Variants in MDGA1 observed in about 807,000 individuals in gnomAD.
The protein encoded by MDGA1 is MAM domain-containing glycosylphosphatidylinositol anchor protein 1.
A neutral mutation model predicts 101.5 loss-of-function variants in MDGA1; 54 were observed. The observed-to-expected ratio is 0.53, with a 90% CI of 0.43 to 0.67. The LOEUF is 0.67. MDGA1 is among the 30% of genes least tolerant of loss of function. MDGA1 has a pLI of 0.00. For missense variants in MDGA1, 1,083 were observed against 1,323.8 expected (o/e 0.82, Z 2.82); for synonymous variants, 533 against 558.3 (o/e 0.95, Z 0.64).
chr6:37,697,202 T>A lies in MDGA1; in HGVS notation c.-391A>T. ...TTCGATCCAACAGGCCACGGACGACTGACAAACTTGTCGTTTCCCCGCACT... is the reference window on the plus strand; with the variant it reads ...TTCGATCCAACAGGCCACGGACGACAGACAAACTTGTCGTTTCCCCGCACT... On this transcript the variant is annotated 5_prime_UTR_variant, in exon 1 of 17. Coordinates refer to ENST00000434837, the MANE Select transcript of MDGA1 (RefSeq NM_153487.4). 5.3e-6 allele frequency: 1 copy of A among 189,386 alleles called. No homozygotes were observed. 11.7% of individuals were successfully genotyped at this position (189,386 alleles called of 1,614,324 possible).
chr6:37,679,696 A>G (rs1344474624), intron 1 of MDGA1, among the ~76,000 whole-genome samples: 2 of 152,148 alleles, frequency 1.3e-5, no homozygotes. Context: ...TCACTTAGCA[A>G]ACCCTCCTCC....
chr6:37,633,733 C>T lies in MDGA1; in HGVS notation c.*3635G>A, dbSNP rs1253301489. 2.0e-5 allele frequency: 3 copies of T among 152,412 alleles called. No individual in the cohort carries two copies. Among genetic ancestry groups the T allele is most frequent in the Admixed American group, 6.5e-5 (1 of 15,290 alleles). 9.4% of individuals were successfully genotyped at this position (152,412 alleles called of 1,614,324 possible). ...GCAACATCTATAACATCCCCACCGG[C>T]ACCCTGGACACAGGACTGTTAGCCA... On this transcript the variant is annotated 3_prime_UTR_variant, in exon 17 of 17. Transcript: ENST00000434837.
At chr6:37,644,444 T>A in intron 13 of MDGA1, 53 bp downstream of exon 13, 1 of 1,470,350 alleles carries the variant, frequency 6.8e-7, no homozygotes, top group Admixed American at 2.4e-5. Context: ...GCCCTGGGCC[T>A]AGACACCCCC....
chr6:37,681,520 G>A (rs1051116396), intron 1 of MDGA1, among the ~76,000 whole-genome samples: 1 of 152,204 alleles, frequency 6.6e-6, no homozygotes. Flanking sequence ...GAGGTCTGTA[G>A]GACCCCCTAC....
chr6:37,645,995 T>C (rs1761184770), intron 11 of MDGA1, 39 bp from the exon 12 acceptor site: 1 of 1,613,526 alleles, frequency 6.2e-7, no homozygotes, highest in African/African-American at 1.3e-5. Flanking sequence ...AGAACTGAGG[T>C]GTGGGGCTCT....
chr6:37,638,223 G>C lies in MDGA1; in HGVS notation c.2758C>G (p.Gln920Glu). The change falls in exon 16 of 17, where the codon CAG becomes GAG. Residue 920 changes from glutamine (Q) to glutamate (E), a missense_variant. By Grantham distance (29) the Gln-to-Glu change is conservative. Around this residue, in one of 3 missense-constraint regions of MDGA1, gnomAD observed 657 missense variants for 771.4 expected, o/e 0.85. Coordinates refer to ENST00000434837, the MANE Select transcript of MDGA1 (RefSeq NM_153487.4). This position sits in a 1 kb window ranked among gnomAD's most constrained non-coding sequence, Gnocchi z 4.8. ...CTTGCACCTTTATTGGGATCCGTCT[G>C]CTTCCGGGGACACTCCCCCTTCTTC... ...TLKKGECPRK[Q>E]TDPNKVVVMP... The C allele has an allele frequency of 1.2e-6, 2 of 1,613,356 alleles. No homozygotes were observed. The highest frequency in any genetic ancestry group is 1.7e-6 in the Non-Finnish European group (2 of 1,179,596).
intron 1 of MDGA1, among the ~76,000 whole-genome samples, chr6:37,672,438 A>G (rs1237691796): frequency 1.3e-5 from 2 of 152,174 alleles, no homozygotes; most frequent in Non-Finnish European, 2.9e-5. Flanking sequence ...GACCCCTATC[A>G]AAAAAACAAA....
At position 37,646,243 on chromosome 6, in the gene MDGA1, A is replaced by T. The variant is rs1761191420; in HGVS notation, c.2179T>A (p.Phe727Ile). ...YEVRLTPYTT[F>I]GAGDMASRII... ...CGGGAGGCCATGTCACCAGCCCCGA[A>T]GGTGGTATAGGGTGTGAGGCGGACC... is the stretch of plus-strand genomic sequence containing the variant. Residue 727 changes from phenylalanine to isoleucine, a missense_variant, in exon 11 of 17, where the codon TTC becomes ATC. By Grantham distance (21) the Phe-to-Ile change is conservative (BLOSUM62 0). This residue lies in a region of MDGA1 where 657 missense variants were observed against 771.4 expected (regional missense o/e 0.85). Transcript: ENST00000434837. 1 of 1,598,984 alleles carries T rather than the reference A, an allele frequency of 6.3e-7. No homozygotes were observed. The highest frequency in any genetic ancestry group is 1.3e-5 in the African/African-American group (1 of 74,614).
Position 37,638,729 on chromosome 6 carries a change from A to G in MDGA1, c.2537-62T>C. 6.4e-7 allele frequency: 1 copy of G among 1,551,562 alleles called. No homozygotes were observed. Among genetic ancestry groups the G allele is most frequent in the Non-Finnish European group, 8.7e-7 (1 of 1,145,858 alleles). The stretch of plus-strand genomic sequence containing the variant: ...GGCCAGGGCACCCTCACCTTTCCAC[A>G]TTTACCAAGCCCTCTTCTCCCACCA... On this transcript the variant is annotated intron_variant, in intron 14 of 16. Transcript: ENST00000434837. This position sits in a 1 kb window ranked among gnomAD's most constrained non-coding sequence, Gnocchi z 4.8.
At chr6:37,653,160 C>T (rs529105246) in intron 6 of MDGA1, among the ~76,000 whole-genome samples, 24 of 152,292 alleles carry the variant, frequency 1.6e-4, no homozygotes, top group East Asian at 5.8e-4. Context: ...CTGGGAAAGG[C>T]GGGCTCTACA....
intron 1 of MDGA1, among the ~76,000 whole-genome samples, chr6:37,690,142 C>A (rs1762279751): frequency 6.6e-6 from 1 of 152,228 alleles, no homozygotes; most frequent in African/African-American, 2.4e-5. Context: ...CAGGCCAGGG[C>A]CTTTGCAGCG....
intron 1 of MDGA1, among the ~76,000 whole-genome samples, chr6:37,680,706 G>C (rs905420851): frequency 6.6e-6 from 1 of 152,198 alleles, no homozygotes; most frequent in Non-Finnish European, 1.5e-5. Context: ...CTGCACCAGC[G>C]CTTTTCAAAG....
chr6:37,651,659 A>G (rs1313933842), intron 7 of MDGA1, among the ~76,000 whole-genome samples: 1 of 152,164 alleles, frequency 6.6e-6, no homozygotes, highest in African/African-American at 2.4e-5. Context: ...CACACCGTAC[A>G]GGCTAAAGAG....
chr6:37,658,164 C>T, intron 3 of MDGA1, 81 bp downstream of exon 3: 2 of 1,422,152 alleles, frequency 1.4e-6, no homozygotes, highest in Non-Finnish European at 1.9e-6. Flanking sequence ...TGCCCACTTC[C>T]CCACCTCACC....
chr6:37,677,774 A>G (rs1425410228), intron 1 of MDGA1, among the ~76,000 whole-genome samples: 2 of 152,216 alleles, frequency 1.3e-5, no homozygotes, highest in African/African-American at 4.8e-5. Flanking sequence ...GCCTTGGCCC[A>G]TAGCAGCACA....
intron 1 of MDGA1, among the ~76,000 whole-genome samples, chr6:37,685,627 T>G (rs9357251): frequency 0.69 from 104,701 of 152,040 alleles, 37,551 homozygotes; most frequent in African/African-American, 0.89. Flanking sequence ...CTCTTCTGCC[T>G]TCGGGGCTGA....
chr6:37,677,384 A>G (rs757383591), intron 1 of MDGA1, among the ~76,000 whole-genome samples: 5 of 152,222 alleles, frequency 3.3e-5, no homozygotes, highest in Non-Finnish European at 5.9e-5. Context: ...AGTAATTCAC[A>G]TAAGGATATT....
chr6:37,647,993 C>T (rs952344047), intron 9 of MDGA1, among the ~76,000 whole-genome samples: 1 of 152,154 alleles, frequency 6.6e-6, no homozygotes, highest in Non-Finnish European at 1.5e-5. Context: ...GCTCCAGGGG[C>T]GCTGCCACCA....
intron 2 of MDGA1, among the ~76,000 whole-genome samples, chr6:37,658,828 G>A (rs1393524884): frequency 2.0e-5 from 3 of 151,992 alleles, no homozygotes; most frequent in Non-Finnish European, 4.4e-5. Context: ...AAAATTAGCC[G>A]GGCGTTATGG....
Sources: allele counts gnomAD v4.1 joint callset (sites outside exome capture counted in the v4.1 genomes callset), GRCh38; gene constraint gnomAD v4.1.1; regional missense constraint gnomAD v4.1.1; non-coding constraint Gnocchi (gnomAD v3.1); transcripts MANE v1.5; gene names NCBI Gene and HGNC (gene_info 2026-07-23, HGNC 2026-07-21).